DENND6A: variants seen among roughly 807,000 people sequenced by gnomAD.
DENND6A encodes protein DENND6A.
DENND6A carries 43 observed loss-of-function variants against 95.5 expected under a neutral mutation model. That is an observed-to-expected ratio of 0.45 (90% CI 0.35 to 0.58). The LOEUF (loss-of-function observed/expected upper bound fraction) is 0.58, where lower values mean the gene tolerates loss of function less well. Ranked by LOEUF, DENND6A falls within the 20% of genes least tolerant of loss-of-function variation. DENND6A has a pLI of 0.00. For synonymous variants in DENND6A, 257 were observed against 260.4 expected, an observed-to-expected ratio of 0.99 and a Z score of 0.13; for missense variants, 574 against 736.0, an observed-to-expected ratio of 0.78 and a Z score of 2.55.
intron 9 of DENND6A, among the ~76,000 whole-genome samples, chr3:57,656,449 T>C (rs1026583213): frequency 6.6e-6 from 1 of 152,232 alleles, no homozygotes; most frequent in Non-Finnish European, 1.5e-5. Flanking sequence ...TTCGGTTGTG[T>C]ATAGTTTTAT....
chr3:57,628,881 A>C lies in DENND6A; in HGVS notation c.1625T>G (p.Leu542Ter), dbSNP rs1217150037. Reference protein sequence around the residue: ...LHLEALCEEDLLLWIQKHTEV... With the variant: ...LHLEALCEED ...TGTGTGTTTCTGGATCCAGAGAAGT[A>C]AGTCCTAGAATAAATAAAGTCCCAA... Residue 542 changes from leucine to a stop codon, truncating the protein, a stop_gained, in exon 19 of 20, where the codon TTA becomes TGA. Transcript: ENST00000311128. LOFTEE classifies it high-confidence loss of function. 6.2e-7 allele frequency: 1 copy of C among 1,611,922 alleles called. No individual in the cohort carries two copies. Among genetic ancestry groups the C allele is most frequent in the East Asian group, 2.2e-5 (1 of 44,792 alleles).
intron 9 of DENND6A, among the ~76,000 whole-genome samples, chr3:57,648,330 A>G (rs2071122003): frequency 6.6e-6 from 1 of 152,092 alleles, no homozygotes; most frequent in South Asian, 2.1e-4. Flanking sequence ...ATGACAAAAC[A>G]CTGCTGAAAA....
At chr3:57,661,353 T>G (rs2153415550) in intron 6 of DENND6A, 93 bp downstream of exon 6, 1 of 1,027,388 alleles carries the variant, frequency 9.7e-7, no homozygotes, top group Non-Finnish European at 1.3e-6. Flanking sequence ...CCTACCTGAA[T>G]TTTTATAAAT....
intron 11 of DENND6A, among the ~76,000 whole-genome samples, chr3:57,644,335 C>T (rs1428146461): frequency 6.6e-6 from 1 of 151,926 alleles, no homozygotes; most frequent in Non-Finnish European, 1.5e-5. Flanking sequence ...GACAGGGTCT[C>T]ACTCTGTTCC....
Position 57,692,787 on chromosome 3 carries a change from C to T in DENND6A, c.232G>A (p.Val78Met), listed in dbSNP as rs866613708. Residue 78 changes from valine (V) to methionine (M), a missense_variant, in exon 1 of 20, where the codon GTG (valine) becomes ATG (methionine). This residue lies in a region of DENND6A where 452 missense variants were observed against 630.9 expected (regional missense o/e 0.72). Coordinates refer to ENST00000311128, the MANE Select transcript of DENND6A (RefSeq NM_152678.3). ...VGFDLELGQA[V>M]EVIYPQHSKL... ...AGGGCGGGGCCGGGCCTCACCTCCA[C>T]GGCCTGGCCCAGCTCCAGGTCGAAG... 2.6e-6 allele frequency: 4 copies of T among 1,525,692 alleles called. No homozygotes were observed. Among genetic ancestry groups the T allele is most frequent in the East Asian group, 2.7e-5 (1 of 36,422 alleles). The allele number at this position is 1,525,692 out of a possible 1,614,324, so 94.5% of individuals were successfully genotyped here. A position where few individuals can be genotyped will look rare whatever the true frequency, so the allele number is the denominator to read the frequency against.
intron 1 of DENND6A, among the ~76,000 whole-genome samples, chr3:57,681,323 G>C (rs919231891): frequency 6.6e-6 from 1 of 151,964 alleles, no homozygotes; most frequent in Non-Finnish European, 1.5e-5. Context: ...AATTAGCCAG[G>C]CGTGGTGGCG....
intron 1 of DENND6A, among the ~76,000 whole-genome samples, chr3:57,690,953 G>T (rs1183332382): frequency 1.3e-5 from 2 of 152,130 alleles, no homozygotes; most frequent in East Asian, 3.8e-4. Context: ...GAAGCAAAAG[G>T]TTAAGAACTC....
chr3:57,684,468 AAG>A (rs2077194635), intron 1 of DENND6A, among the ~76,000 whole-genome samples: 1 of 152,148 alleles, frequency 6.6e-6, no homozygotes, highest in East Asian at 1.9e-4. Context: ...GTTTCAAGAA[AAG>A]AGTCTAAAGC....
At chr3:57,689,959 G>A (rs1391956897) in intron 1 of DENND6A, among the ~76,000 whole-genome samples, 1 of 151,854 alleles carries the variant, frequency 6.6e-6, no homozygotes, top group African/African-American at 2.4e-5. Context: ...AGATACTCAG[G>A]AGGATCCCTC....
At chr3:57,668,440 C>G (rs1002100942) in intron 3 of DENND6A, among the ~76,000 whole-genome samples, 8 of 152,124 alleles carry the variant, frequency 5.3e-5, no homozygotes, top group African/African-American at 4.8e-5. Context: ...TGTCCTTGGG[C>G]ACTCATCACA....
intron 4 of DENND6A, 144 bp downstream of exon 4, chr3:57,665,979 A>G: frequency 1.8e-6 from 1 of 550,052 alleles, no homozygotes. Flanking sequence ...ATCCTTATGA[A>G]TAAGACTCAC....
chr3:57,691,041 T>C (rs2077259821), intron 1 of DENND6A, among the ~76,000 whole-genome samples: 1 of 152,252 alleles, frequency 6.6e-6, no homozygotes, highest in Non-Finnish European at 1.5e-5. Context: ...ATAATTCACA[T>C]TTTTGCAGCA....
chr3:57,687,178 G>T (rs115831549), intron 1 of DENND6A, among the ~76,000 whole-genome samples: 2,194 of 152,242 alleles, frequency 0.014, 55 homozygotes, highest in African/African-American at 0.048. Flanking sequence ...GTTCTTGAAG[G>T]AAATTAAAAA....
At chr3:57,642,102 T>G (rs1245208345) in intron 11 of DENND6A, among the ~76,000 whole-genome samples, 2 of 151,714 alleles carry the variant, frequency 1.3e-5, no homozygotes, top group Non-Finnish European at 1.5e-5. Flanking sequence ...ATCACGAGGT[T>G]AGGAGTTCGA....
At chr3:57,651,909 T>C (rs2071217350) in intron 9 of DENND6A, among the ~76,000 whole-genome samples, 1 of 152,008 alleles carries the variant, frequency 6.6e-6, no homozygotes. Context: ...AATAGTGTGG[T>C]GATTTAAAAT....
At chr3:57,689,648 T>C (rs1332686238) in intron 1 of DENND6A, among the ~76,000 whole-genome samples, 1 of 152,206 alleles carries the variant, frequency 6.6e-6, no homozygotes, top group African/African-American at 2.4e-5. Flanking sequence ...CTTTAGCCAA[T>C]TGTATCAGAG....
intron 9 of DENND6A, among the ~76,000 whole-genome samples, chr3:57,655,616 C>T (rs2071309149): frequency 6.6e-6 from 1 of 152,106 alleles, no homozygotes; most frequent in South Asian, 2.1e-4. Flanking sequence ...TGCACAAAAT[C>T]ATTAAAAATA....
intron 12 of DENND6A, among the ~76,000 whole-genome samples, chr3:57,636,352 A>T (rs528355491): frequency 6.6e-6 from 1 of 152,344 alleles, no homozygotes; most frequent in Admixed American, 6.5e-5. Context: ...GATACTTGTT[A>T]AAAAAGCAGT....
chr3:57,653,482 A>C (rs2071252955), intron 9 of DENND6A, among the ~76,000 whole-genome samples: 1 of 151,998 alleles, frequency 6.6e-6, no homozygotes, highest in Admixed American at 6.6e-5. Flanking sequence ...GCGGTGGCTC[A>C]CGCCTGTAAT....
Sources: gnomAD v4.1 joint callset for allele counts (sites outside exome capture counted in the v4.1 genomes callset) on GRCh38, gnomAD v4.1.1 for gene constraint, gnomAD v4.1.1 regional missense constraint, MANE v1.5 for transcripts, NCBI Gene and HGNC (gene_info 2026-07-23, HGNC 2026-07-21) for gene names.